Variants in FBN3 observed in about 807,000 individuals in gnomAD.
The protein encoded by FBN3 is fibrillin 3.
A neutral mutation model predicts 330.1 loss-of-function variants in FBN3; 234 were observed. That is an observed-to-expected ratio of 0.71 (90% CI 0.64 to 0.79). FBN3 has a LOEUF of 0.79. FBN3 is among the 30% of genes least tolerant of loss of function. The pLI, the probability that FBN3 is intolerant of heterozygous loss-of-function variation, is 0.00. For synonymous variants in FBN3, 1,458 were observed against 1,517.3 expected, an observed-to-expected ratio of 0.96 and a Z score of 0.91; for missense variants, 3,606 against 3,886.9, an observed-to-expected ratio of 0.93 and a Z score of 1.92.
chr19:8,132,501 T>C (rs1203950972), intron 14 of FBN3, among the ~76,000 whole-genome samples: 5 of 151,848 alleles, frequency 3.3e-5, no homozygotes, highest in African/African-American at 4.8e-5. Context: ...TCACTTTTTT[T>C]TTCTTCTGAG....
chr19:8,126,092 A>C, intron 21 of FBN3, 75 bp from the exon 22 acceptor site: 4 of 1,598,542 alleles, frequency 2.5e-6, no homozygotes, highest in Non-Finnish European at 3.4e-6. Context: ...CTGGGGTCTC[A>C]AGTTGTCCTT....
Position 8,131,208 on chromosome 19 carries a change from T to C in FBN3, c.2044+27A>G. The C allele has an allele frequency of 1.1e-5, 18 of 1,599,908 alleles. No individual in the cohort carries two copies. The highest frequency in any genetic ancestry group is 1.5e-5 in the Non-Finnish European group (18 of 1,174,496). ...CATCTGGTAGGGGCAGGCTGGCTGC[T>C]GTTTGGAGGGGCTGGGCTCCACTTA... is the stretch of plus-strand genomic sequence containing the variant. On this transcript the variant is annotated intron_variant, in intron 16 of 63. Transcript: ENST00000600128. This position sits in a 1 kb window ranked among gnomAD's most constrained non-coding sequence, Gnocchi z 4.5.
intron 6 of FBN3, among the ~76,000 whole-genome samples, chr19:8,142,355 T>G (rs1221144393): frequency 6.6e-6 from 1 of 152,100 alleles, no homozygotes; most frequent in Non-Finnish European, 1.5e-5. Flanking sequence ...CCTGACCAAC[T>G]TCCAAGAGAC....
rs917427387 is a variant in FBN3, at chr19:8,126,808, G to A, written c.2321C>T (p.Pro774Leu). ...GTTCCGACAGACGCCACTCACACAC[G>A]GGCTGGACAGGCATTCGTCGACATC... ...CKDVDECLSS[P>L]CVSGVCRNLA... Residue 774 changes from proline to leucine, a missense_variant, in exon 19 of 64, where the codon CCG becomes CTG. Coordinates refer to ENST00000600128, the MANE Select transcript of FBN3 (RefSeq NM_032447.5). The A allele has an allele frequency of 1.1e-5, 18 of 1,575,836 alleles. No individual in the cohort carries two copies. The highest frequency in any genetic ancestry group is 7.9e-5 in the Admixed American group (4 of 50,858).
chr19:8,091,349 T>C (rs1179021074), intron 48 of FBN3, 116 bp downstream of exon 48: 4 of 1,371,256 alleles, frequency 2.9e-6, no homozygotes, highest in Non-Finnish European at 4.0e-6. Context: ...CAGACACCTC[T>C]GCCTGGTCAG....
intron 59 of FBN3, 79 bp from the exon 60 acceptor site, chr19:8,075,490 C>G (rs2081620175): frequency 1.4e-6 from 2 of 1,476,974 alleles, no homozygotes; most frequent in African/African-American, 2.8e-5. Flanking sequence ...AGTCCCACCA[C>G]TGTGTGGCTT....
At position 8,147,191 on chromosome 19, in the gene FBN3, G is replaced by C. The variant is rs776378041; in HGVS notation, c.168-5C>G. 6.4e-6 allele frequency: 10 copies of C among 1,564,856 alleles called. No homozygotes were observed. Among genetic ancestry groups the C allele is most frequent in the East Asian group, 2.4e-5 (1 of 42,210 alleles). ...CGGGAGCCGCACACATTCGGCCTTC[G>C]GGGACAGCGAGATGGGTCTGGTGAG... is the stretch of plus-strand genomic sequence containing the variant. On this transcript the variant is annotated splice_region_variant and splice_polypyrimidine_tract_variant and intron_variant, in intron 2 of 63. Transcript: ENST00000600128.
rs773094791 is a variant in FBN3, at chr19:8,108,190, C to A, written c.4667G>T (p.Arg1556Leu). The A allele has an allele frequency of 8.1e-6, 13 of 1,612,448 alleles. No individual in the cohort carries two copies. Among genetic ancestry groups the A allele is most frequent in the Non-Finnish European group, 1.1e-5 (13 of 1,179,436 alleles). The change falls in exon 37 of 64, where the codon CGC becomes CTC. Residue 1556 changes from arginine to leucine, a missense_variant. Transcript: ENST00000600128. ...CPGGEGFQPN[R>L]ITVILEDIDE... ...CTCACCTTCCAGAATGACAGTGATG[C>A]GGTTAGGCTGGAAGCCCTCACCACC...
intron 63 of FBN3, among the ~76,000 whole-genome samples, chr19:8,069,797 G>A (rs895502420): frequency 1.3e-5 from 2 of 152,054 alleles, no homozygotes; most frequent in East Asian, 1.9e-4. Context: ...TATGTTACCC[G>A]GGCTGGTCTC....
chr19:8,112,136 A>G, intron 30 of FBN3, 37 bp from the exon 31 acceptor site: 1 of 1,601,794 alleles, frequency 6.2e-7, no homozygotes, highest in Non-Finnish European at 8.5e-7. Flanking sequence ...AGACCCAGTC[A>G]CAGAAGGAAA....
intron 52 of FBN3, 56 bp from the exon 53 acceptor site, chr19:8,088,003 T>A: frequency 6.2e-7 from 1 of 1,613,762 alleles, no homozygotes; most frequent in South Asian, 1.1e-5. Context: ...GGACCTCCAC[T>A]CCCTCCCCCA....
Position 8,117,605 on chromosome 19 carries a change from G to C in FBN3, c.3338-16C>G. 6.6e-7 allele frequency: 1 copy of C among 1,520,306 alleles called. No homozygotes were observed. Among genetic ancestry groups the C allele is most frequent in the South Asian group, 1.3e-5 (1 of 79,244 alleles). The allele number at this position is 1,520,306 out of a possible 1,614,324, so 94.2% of individuals were successfully genotyped here. On this transcript the variant is annotated splice_polypyrimidine_tract_variant and intron_variant, in intron 26 of 63. Transcript: ENST00000600128. The stretch of plus-strand genomic sequence containing the variant: ...TCATCGATGTCTGTGGGGGAGTGCA[G>C]GTGAAAGACGGGCCTGTGCCCCATC...
At chr19:8,085,294 G>C (rs774954102) in intron 56 of FBN3, 69 bp downstream of exon 56, 40 of 1,336,406 alleles carry the variant, frequency 3.0e-5, no homozygotes, top group Non-Finnish European at 3.7e-5. Context: ...CTGCAGTACA[G>C]ACACATGACC....
At chr19:8,101,087 C>A in intron 40 of FBN3, 115 bp from the exon 41 acceptor site, 1 of 702,940 alleles carries the variant, frequency 1.4e-6, no homozygotes. Flanking sequence ...CCACCTTGAA[C>A]TTTTTTTGCT....
At position 8,133,053 on chromosome 19, in the gene FBN3, CGTT is replaced by C. The variant is rs1568444494; in HGVS notation, c.1642_1644del (p.Asn548del). 1 of 1,586,776 alleles carries C rather than the reference CGTT, an allele frequency of 6.3e-7. No individual in the cohort carries two copies. Among genetic ancestry groups the C allele is most frequent in the Admixed American group, 1.8e-5 (1 of 55,506 alleles). ...CAGAGGCAGGAGAAGCTGCCATCCT[CGTT>C]GAGACACACGCCGTTGACGCACATG... On this transcript the variant is annotated inframe_deletion, in exon 14 of 64. Coordinates refer to ENST00000600128, the MANE Select transcript of FBN3 (RefSeq NM_032447.5).
In FBN3 at chr19:8,123,901, A is replaced by G; in HGVS notation, c.2839T>C (p.Trp947Arg). Residue 947 changes from tryptophan to arginine, a missense_variant, in exon 23 of 64, where the codon TGG becomes CGG. By Grantham distance (101) the Trp-to-Arg change is moderately radical (BLOSUM62 -3). Transcript: ENST00000600128. ...GGGCAGGCCTCGCACTCGACTCCCC[A>G]CACGGCCCCGATGGAGCAGCAGCAG... ...DVCCCSIGAV[W>R]GVECEACPDP... 6.2e-7 allele frequency: 1 copy of G among 1,613,806 alleles called. No individual in the cohort carries two copies. The highest frequency in any genetic ancestry group is 8.5e-7 in the Non-Finnish European group (1 of 1,179,996).
intron 6 of FBN3, 33 bp downstream of exon 6, chr19:8,144,844 C>G: frequency 6.5e-7 from 1 of 1,536,812 alleles, no homozygotes; most frequent in Non-Finnish European, 8.9e-7. Context: ...CATCGAGTCC[C>G]CTGTCTACCT....
intron 8 of FBN3, among the ~76,000 whole-genome samples, chr19:8,139,726 C>T (rs1007970224): frequency 5.3e-5 from 8 of 152,004 alleles, no homozygotes; most frequent in Admixed American, 1.3e-4. Flanking sequence ...CTTCCCACTG[C>T]GCCCTCAAGG....
chr19:8,145,072 C>T, intron 5 of FBN3, 100 bp from the exon 6 acceptor site: 1 of 1,091,780 alleles, frequency 9.2e-7, no homozygotes, highest in Non-Finnish European at 1.3e-6. Flanking sequence ...CAGGATCTGG[C>T]CCAGGTTGAA....
Sources: gnomAD v4.1 joint callset for allele counts (sites outside exome capture counted in the v4.1 genomes callset) on GRCh38, gnomAD v4.1.1 for gene constraint, Gnocchi (gnomAD v3.1) non-coding constraint, MANE v1.5 for transcripts, NCBI Gene and HGNC (gene_info 2026-07-23, HGNC 2026-07-21) for gene names.